DIAPH2: variants seen among roughly 807,000 people sequenced by gnomAD.
The protein encoded by DIAPH2 is diaphanous related formin 2, also known as protein diaphanous homolog 2.
DIAPH2 carries 35 observed loss-of-function variants against 92.7 expected under a neutral mutation model. That is an observed-to-expected ratio of 0.38 (90% CI 0.29 to 0.50). The LOEUF is 0.50. Ranked by LOEUF, DIAPH2 falls within the 20% of genes least tolerant of loss-of-function variation. DIAPH2 has a pLI of 0.94. For missense variants in DIAPH2, 701 were observed against 819.5 expected, an observed-to-expected ratio of 0.86 and a Z score of 1.77; for synonymous variants, 301 against 280.4, an observed-to-expected ratio of 1.07 and a Z score of -0.73.
At chrX:96,798,890 G>C (rs778452331) in intron 4 of DIAPH2, among the ~76,000 whole-genome samples, 5 of 111,001 alleles carry the variant, frequency 4.5e-5, no homozygotes, top group Non-Finnish European at 9.4e-5. Flanking sequence ...TGACTGATCA[G>C]AACTCAAATG....
At chrX:96,783,270 TA>T (rs1425049582) in intron 4 of DIAPH2, among the ~76,000 whole-genome samples, 1 of 112,196 alleles carries the variant, frequency 8.9e-6, no homozygotes, top group Non-Finnish European at 1.9e-5. Context: ...ATTACATTTT[TA>T]ATTGTTAAGT....
intron 3 of DIAPH2, among the ~76,000 whole-genome samples, chrX:96,751,337 G>A (rs1237209706): frequency 9.1e-6 from 1 of 109,818 alleles, no homozygotes; most frequent in Admixed American, 9.8e-5. Context: ...AGCACTTTGG[G>A]AGGCCGAGGC....
At chrX:97,521,758 C>A (rs1021738793) in intron 26 of DIAPH2, among the ~76,000 whole-genome samples, 3 of 111,745 alleles carry the variant, frequency 2.7e-5, no homozygotes, top group African/African-American at 9.8e-5. Context: ...CCTTGGGGAA[C>A]TGTGAATCAA....
intron 23 of DIAPH2, among the ~76,000 whole-genome samples, chrX:97,289,449 T>A (rs779273285): frequency 7.1e-5 from 8 of 112,042 alleles, no homozygotes; most frequent in Non-Finnish European, 1.5e-4. Flanking sequence ...GCTGGCTTAT[T>A]TATACCTCAA....
chrX:97,042,725 A>G (rs2066455893), intron 17 of DIAPH2, among the ~76,000 whole-genome samples: 1 of 112,101 alleles, frequency 8.9e-6, no homozygotes, highest in Non-Finnish European at 1.9e-5. Context: ...GCTTCTTCTT[A>G]TCTTGTTTAT....
chrX:97,269,308 T>C (rs2068365994), intron 23 of DIAPH2, among the ~76,000 whole-genome samples: 1 of 111,567 alleles, frequency 9.0e-6, no homozygotes, highest in African/African-American at 3.3e-5. Flanking sequence ...TGCAAAAGTG[T>C]CATAGCTGAC....
At chrX:96,695,978 A>G (rs1267157507) in intron 1 of DIAPH2, among the ~76,000 whole-genome samples, 1 of 112,762 alleles carries the variant, frequency 8.9e-6, no homozygotes, top group Non-Finnish European at 1.9e-5. Flanking sequence ...AGATGCCTAC[A>G]TTGTATTTTA....
chrX:97,278,957 C>T (rs2068474136), intron 23 of DIAPH2, among the ~76,000 whole-genome samples: 1 of 112,415 alleles, frequency 8.9e-6, no homozygotes, highest in Non-Finnish European at 1.9e-5. Flanking sequence ...CAGTTCACCT[C>T]TCTAGACTTT....
intron 26 of DIAPH2, among the ~76,000 whole-genome samples, chrX:97,567,917 C>T (rs1195182295): frequency 3.7e-5 from 4 of 108,461 alleles, no homozygotes; most frequent in African/African-American, 1.3e-4. Context: ...GAGTTCGAGA[C>T]AAGCGTGACC....
chrX:96,889,544 G>A (rs1408013497), intron 5 of DIAPH2, among the ~76,000 whole-genome samples: 1 of 111,859 alleles, frequency 8.9e-6, no homozygotes, highest in African/African-American at 3.2e-5. Flanking sequence ...ATATTATGTG[G>A]TTTGTTTTTA....
At chrX:96,896,702 G>T (rs1186093855) in intron 5 of DIAPH2, among the ~76,000 whole-genome samples, 1 of 111,934 alleles carries the variant, frequency 8.9e-6, no homozygotes, top group Non-Finnish European at 1.9e-5. Context: ...TCTTTACAAA[G>T]CATTTATATG....
intron 26 of DIAPH2, among the ~76,000 whole-genome samples, chrX:97,596,673 C>G (rs2071553979): frequency 8.9e-6 from 1 of 111,874 alleles, no homozygotes; most frequent in Non-Finnish European, 1.9e-5. Context: ...TGGCAGCAAT[C>G]ATATCTAACA....
At position 96,815,210 on chromosome X, in the gene DIAPH2, C is replaced by T. The variant is rs373291478; in HGVS notation, c.447+56952C>T. On this transcript the variant is annotated intron_variant, in intron 4 of 26. Transcript: ENST00000324765. ...TCTGCCCAGTTTGAGCTTCCCCAGC[C>T]GCTCTGTTTACCTACTCAAGCCTCA... Among the ~76,000 whole-genome samples the T allele has an allele frequency of 1.8e-3, 203 of 111,906 alleles. 1 individual carries two copies. Among genetic ancestry groups the T allele is most frequent in the African/African-American group, 6.3e-3 (194 of 30,835 alleles).
chrX:96,899,355 A>G (rs1209693614), intron 5 of DIAPH2, among the ~76,000 whole-genome samples: 1 of 110,569 alleles, frequency 9.0e-6, no homozygotes, highest in Non-Finnish European at 1.9e-5. Context: ...CTTCCTACCC[A>G]TGAGCATGGA....
chrX:96,995,753 T>C (rs942024546), intron 17 of DIAPH2, among the ~76,000 whole-genome samples: 1 of 110,219 alleles, frequency 9.1e-6, no homozygotes, highest in Non-Finnish European at 1.9e-5. Context: ...TTTTTTTTTT[T>C]CTCAGTTAAG....
chrX:97,512,494 G>T (rs867602685), intron 26 of DIAPH2, among the ~76,000 whole-genome samples: 1 of 111,831 alleles, frequency 8.9e-6, no homozygotes, highest in Non-Finnish European at 1.9e-5. Flanking sequence ...AAGGGTTTTT[G>T]TGTCTCTATT....
Position 97,312,345 on chromosome X carries a change from C to CATTTTTTTTTTTTTTTTT in DIAPH2, c.2845-35771_2845-35770insATTTTTTTTTTTTTTTTT, listed in dbSNP as rs202046146. On this transcript the variant is annotated intron_variant, in intron 23 of 26. Coordinates refer to ENST00000324765, the MANE Select transcript of DIAPH2 (RefSeq NM_006729.5). ...TTGATCACTTTTGATCAATAGAATCCTTTTTTTTTTTTTTTTTTTTTTTTT... is the reference window on the plus strand; with the variant it reads ...TTGATCACTTTTGATCAATAGAATCCATTTTTTTTTTTTTTTTTTTTTTTTTTTTTTTTTTTTTTTTTT... Among the ~76,000 whole-genome samples the CATTTTTTTTTTTTTTTTT allele has an allele frequency of 1.8e-4, 10 of 54,944 alleles. 2 individuals carry two copies. The highest frequency in any genetic ancestry group is 6.1e-5 in the Non-Finnish European group (2 of 32,558). The allele number at this position is 54,944 out of a possible 115,157, so 47.7% of individuals were successfully genotyped here.
chrX:97,559,717 T>C (rs970658105), intron 26 of DIAPH2, among the ~76,000 whole-genome samples: 2 of 111,852 alleles, frequency 1.8e-5, no homozygotes, highest in African/African-American at 3.3e-5. Flanking sequence ...AGTAAAGATT[T>C]AACCAAAAAA....
At chrX:97,085,329 G>A (rs773288868) in intron 19 of DIAPH2, among the ~76,000 whole-genome samples, 17 of 112,216 alleles carry the variant, frequency 1.5e-4, no homozygotes, top group African/African-American at 4.9e-4. Context: ...GACCTTTTCT[G>A]AAGTTTTGGC....
Sources: gnomAD v4.1 joint callset for allele counts (sites outside exome capture counted in the v4.1 genomes callset) on GRCh38, gnomAD v4.1.1 for gene constraint, MANE v1.5 for transcripts, NCBI Gene and HGNC (gene_info 2026-07-23, HGNC 2026-07-21) for gene names.